LAMB1: variants seen among roughly 807,000 people sequenced by gnomAD.
The protein encoded by LAMB1 is laminin subunit beta 1.
In LAMB1, 121 loss-of-function variants were observed where a neutral mutation model predicts 222.3. The ratio of observed to expected loss-of-function variants is 0.54; its 90% confidence interval spans 0.47 to 0.63. The LOEUF is 0.63. LAMB1 is among the 30% of genes least tolerant of loss of function. The pLI is 0.00. For missense variants in LAMB1, 2,172 were observed against 2,240.8 expected, an observed-to-expected ratio of 0.97 and a Z score of 0.62; for synonymous variants, 794 against 807.2, an observed-to-expected ratio of 0.98 and a Z score of 0.28.
chr7:107,926,042 C>T (rs982411670), intron 32 of LAMB1, 141 bp downstream of exon 32: 2 of 621,364 alleles, frequency 3.2e-6, no homozygotes, highest in Admixed American at 2.8e-5. Context: ...CTTCTAAAGA[C>T]GGCTGTTGCA....
chr7:107,943,809 G>A (rs1184772922), intron 24 of LAMB1, among the ~76,000 whole-genome samples: 1 of 152,188 alleles, frequency 6.6e-6, no homozygotes, highest in South Asian at 2.1e-4. Flanking sequence ...AAAAAAGAGA[G>A]CATGTGCGTG....
intron 3 of LAMB1, among the ~76,000 whole-genome samples, chr7:108,001,070 T>C (rs980198656): frequency 1.4e-4 from 22 of 152,156 alleles, no homozygotes; most frequent in African/African-American, 4.6e-4. Context: ...CTGATCCTGA[T>C]ATCTAGTTGG....
chr7:107,963,957 G>A (rs2033568993), intron 14 of LAMB1, among the ~76,000 whole-genome samples: 1 of 152,214 alleles, frequency 6.6e-6, no homozygotes, highest in Non-Finnish European at 1.5e-5. Context: ...AATTAGCCAG[G>A]CGTGGTGGCA....
At chr7:107,936,012 A>C (rs1274859110) in intron 26 of LAMB1, among the ~76,000 whole-genome samples, 1 of 152,210 alleles carries the variant, frequency 6.6e-6, no homozygotes, top group East Asian at 1.9e-4. Context: ...GATCCACTCA[A>C]ATGACTAATA....
intron 2 of LAMB1, chr7:108,002,431 G>A (rs1354212550): frequency 6.1e-6 from 8 of 1,309,884 alleles, no homozygotes; most frequent in Non-Finnish European, 6.0e-6. Context: ...AAAGCCACAT[G>A]GCCCCCATCT....
intron 9 of LAMB1, among the ~76,000 whole-genome samples, chr7:107,977,510 G>C (rs1393143965): frequency 6.6e-6 from 1 of 152,082 alleles, no homozygotes; most frequent in Non-Finnish European, 1.5e-5. Flanking sequence ...AACAGCCCTG[G>C]CGCGGTGGCT....
At position 107,952,099 on chromosome 7, in the gene LAMB1, A is replaced by G. The variant is rs2033267853; in HGVS notation, c.3204T>C (p.Cys1068=). The change falls in exon 23 of 34, where the codon TGT becomes TGC. Residue 1068 remains cysteine, a synonymous_variant. Coordinates refer to ENST00000222399, the MANE Select transcript of LAMB1 (RefSeq NM_002291.3). ...PNVIGQNCDR[C]APNTWQLASG... The stretch of plus-strand genomic sequence containing the variant: ...TGGCCAGCTGCCAGGTATTGGGCGC[A>G]CAGCGGTCACAGTTCTGCCCGATCA... 1 of 1,614,132 alleles carries G rather than the reference A, an allele frequency of 6.2e-7. No individual in the cohort carries two copies. The highest frequency in any genetic ancestry group is 8.5e-7 in the Non-Finnish European group (1 of 1,179,994).
At chr7:107,961,078 TG>T in intron 17 of LAMB1, 127 bp downstream of exon 17, 1 of 1,002,290 alleles carries the variant, frequency 1.0e-6, no homozygotes, top group Non-Finnish European at 1.5e-6. Flanking sequence ...AAAGTAACCG[TG>T]GAGGCAAGAA....
chr7:108,001,902 G>A, intron 2 of LAMB1, 169 bp from the exon 3 acceptor site: 3 of 1,466,112 alleles, frequency 2.0e-6, no homozygotes, highest in Non-Finnish European at 2.7e-6. Context: ...GAGAGGCTGG[G>A]AAGGCAGGGA....
chr7:107,973,152 G>A (rs935952406), intron 12 of LAMB1, 81 bp from the exon 13 acceptor site: 9 of 1,117,066 alleles, frequency 8.1e-6, no homozygotes, highest in Non-Finnish European at 1.2e-5. Context: ...GTTAAAGCTT[G>A]TTTCGGCTGT....
chr7:107,925,045 A>C (rs918191447), intron 32 of LAMB1, among the ~76,000 whole-genome samples: 6 of 152,192 alleles, frequency 3.9e-5, no homozygotes, highest in African/African-American at 1.4e-4. Context: ...TTGTGTCCTC[A>C]GTACTGCAGG....
chr7:107,980,865 T>TC (rs2033958730), intron 7 of LAMB1, 54 bp from the exon 8 acceptor site: 1 of 1,147,520 alleles, frequency 8.7e-7, no homozygotes, highest in Admixed American at 2.1e-5. Flanking sequence ...AAGAAGTTTT[T>TC]TTTTTTTTCC....
At position 107,953,696 on chromosome 7, in the gene LAMB1, C is replaced by T. The variant is rs1481576380; in HGVS notation, c.2913G>A (p.Gly971=). ...GYFGNPSEVG[G]SCQPCQCHNN... ...TGTGACACTGGCAAGGCTGACACGA[C>T]CCCCCAACTTCTGATGGATTGCCAA... is the stretch of plus-strand genomic sequence containing the variant. Residue 971 remains glycine, a synonymous_variant, in exon 22 of 34, where the codon GGG becomes GGA. Coordinates refer to ENST00000222399, the MANE Select transcript of LAMB1 (RefSeq NM_002291.3). 6.2e-7 allele frequency: 1 copy of T among 1,614,070 alleles called. No homozygotes were observed. Among genetic ancestry groups the T allele is most frequent in the Middle Eastern group, 1.6e-4 (1 of 6,062 alleles).
intron 5 of LAMB1, among the ~76,000 whole-genome samples, chr7:107,987,490 GAGA>G (rs1178988114): frequency 2.0e-5 from 3 of 152,180 alleles, no homozygotes; most frequent in Admixed American, 6.5e-5. Context: ...ATACTTCACA[GAGA>G]AGAAGGCATC....
At chr7:107,980,048 A>C (rs2033942605) in intron 8 of LAMB1, among the ~76,000 whole-genome samples, 2 of 152,144 alleles carry the variant, frequency 1.3e-5, no homozygotes, top group South Asian at 2.1e-4. Context: ...CCTCTACTAA[A>C]AACACAAAAA....
intron 5 of LAMB1, among the ~76,000 whole-genome samples, chr7:107,989,582 T>C (rs931511595): frequency 6.6e-6 from 1 of 152,130 alleles, no homozygotes; most frequent in Non-Finnish European, 1.5e-5. Flanking sequence ...CCCAGGAATA[T>C]AAGAAAATGA....
At chr7:107,978,788 T>C (rs1438812463) in intron 8 of LAMB1, among the ~76,000 whole-genome samples, 1 of 152,230 alleles carries the variant, frequency 6.6e-6, no homozygotes, top group African/African-American at 2.4e-5. Flanking sequence ...ATATATTAAT[T>C]TGCCTGATGA....
intron 13 of LAMB1, among the ~76,000 whole-genome samples, chr7:107,972,359 A>C (rs1288690837): frequency 6.6e-6 from 1 of 152,200 alleles, no homozygotes; most frequent in African/African-American, 2.4e-5. Context: ...TTCTCTCAGC[A>C]GTCACTTACA....
At chr7:108,001,957 A>C in intron 2 of LAMB1, 1 of 1,451,232 alleles carries the variant, frequency 6.9e-7, no homozygotes, top group Non-Finnish European at 9.1e-7. Flanking sequence ...ACACGTCATC[A>C]GGTCTGTCCA....
Sources: allele counts gnomAD v4.1 joint callset (sites outside exome capture counted in the v4.1 genomes callset), GRCh38; gene constraint gnomAD v4.1.1; transcripts MANE v1.5; gene names NCBI Gene and HGNC (gene_info 2026-07-23, HGNC 2026-07-21).